EDNRA: variants seen among roughly 807,000 people sequenced by gnomAD.
EDNRA encodes the protein endothelin receptor type A.
Under a neutral mutation model 41.4 loss-of-function variants are expected in EDNRA, and 11 were observed. That is an observed-to-expected ratio of 0.27 (90% CI 0.17 to 0.44). The LOEUF is 0.44. Ranked by LOEUF, EDNRA falls within the 20% of genes least tolerant of loss-of-function variation. The pLI is 1.00. For synonymous variants in EDNRA, 172 were observed against 183.0 expected (o/e 0.94, Z 0.49); for missense variants, 294 against 531.0 (o/e 0.55, Z 4.39).
chr4:147,484,163 A>C (rs1728866453), intron 1 of EDNRA, among the ~76,000 whole-genome samples: 1 of 152,200 alleles, frequency 6.6e-6, no homozygotes, highest in Non-Finnish European at 1.5e-5. Context: ...AAATATTGAA[A>C]TAGGATGAGC....
At chr4:147,518,269 G>T (rs1209332948) in intron 2 of EDNRA, among the ~76,000 whole-genome samples, 2 of 152,146 alleles carry the variant, frequency 1.3e-5, no homozygotes, top group Non-Finnish European at 2.9e-5. Flanking sequence ...TTAATAACCA[G>T]CAGTCAGCAA....
At position 147,535,875 on chromosome 4, in the gene EDNRA, A is replaced by G; in HGVS notation, c.748-2A>G. Reference sequence around the variant, plus strand: ...TCTCTTTTTTTTTTTTTCACTTTGAAGTTCTACCAAGATGTAAAGGACTGG... The same window carrying G: ...TCTCTTTTTTTTTTTTTCACTTTGAGGTTCTACCAAGATGTAAAGGACTGG... On this transcript the variant is annotated splice_acceptor_variant, in intron 4 of 7. Transcript: ENST00000651419. LOFTEE classifies it high-confidence loss of function. 6.2e-7 allele frequency: 1 copy of G among 1,604,240 alleles called. No homozygotes were observed. Among genetic ancestry groups the G allele is most frequent in the Non-Finnish European group, 8.5e-7 (1 of 1,176,452 alleles).
In EDNRA at chr4:147,526,318, A is replaced by C. The variant is rs79437135; in HGVS notation, c.549-6188A>C. ...ATGTTGAAGGTCAGGAATTTGGGCA[A>C]TTCTTCTGCTCCTTGTCACGTCACC... On this transcript the variant is annotated intron_variant, in intron 3 of 7. Coordinates refer to ENST00000651419, the MANE Select transcript of EDNRA (RefSeq NM_001957.4). Among the ~76,000 whole-genome samples, 951 of 152,280 alleles carry C rather than the reference A, an allele frequency of 6.2e-3. 7 individuals are homozygous for C. The highest frequency in any genetic ancestry group is 0.022 in the African/African-American group (914 of 41,534).
chr4:147,497,633 G>A (rs948696319), intron 2 of EDNRA, among the ~76,000 whole-genome samples: 1 of 151,704 alleles, frequency 6.6e-6, no homozygotes, highest in Admixed American at 6.6e-5. Flanking sequence ...GTGCAGTGGC[G>A]CGATCTTGGC....
chr4:147,507,441 G>T (rs2126423985), intron 2 of EDNRA, among the ~76,000 whole-genome samples: 1 of 152,304 alleles, frequency 6.6e-6, no homozygotes, highest in African/African-American at 2.4e-5. Flanking sequence ...AATCTCAAAA[G>T]ATTGCATACT....
chr4:147,524,999 T>C (rs1730483558), intron 3 of EDNRA, among the ~76,000 whole-genome samples: 1 of 152,252 alleles, frequency 6.6e-6, no homozygotes, highest in Non-Finnish European at 1.5e-5. Context: ...CCTGCTTTCA[T>C]TTTATGAGCT....
At chr4:147,532,241 G>A (rs1286134658) in intron 3 of EDNRA, among the ~76,000 whole-genome samples, 1 of 149,626 alleles carries the variant, frequency 6.7e-6, no homozygotes, top group Non-Finnish European at 1.5e-5. Context: ...CAGGAGAATG[G>A]CGTGAACCTG....
intron 2 of EDNRA, among the ~76,000 whole-genome samples, chr4:147,505,163 A>C (rs904646462): frequency 1.3e-5 from 2 of 150,268 alleles, no homozygotes; most frequent in African/African-American, 4.9e-5. Context: ...GTCAAACCGC[A>C]GTGAGATATC....
At chr4:147,525,144 T>G (rs1730489394) in intron 3 of EDNRA, among the ~76,000 whole-genome samples, 1 of 152,238 alleles carries the variant, frequency 6.6e-6, no homozygotes, top group Non-Finnish European at 1.5e-5. Context: ...ATAGGATTTC[T>G]TTATTACTTC....
At chr4:147,520,109 A>G (rs949359146) in intron 3 of EDNRA, 131 bp downstream of exon 3, 2 of 1,242,588 alleles carry the variant, frequency 1.6e-6, no homozygotes, top group Non-Finnish European at 2.2e-6. Flanking sequence ...AGCATTAACC[A>G]TCTTGCCTTT....
intron 2 of EDNRA, among the ~76,000 whole-genome samples, chr4:147,508,256 A>C (rs755595701): frequency 4.6e-5 from 7 of 152,174 alleles, no homozygotes; most frequent in Non-Finnish European, 1.0e-4. Flanking sequence ...CTCATGCCTC[A>C]GCTTCCAGAG....
At chr4:147,536,389 GA>G (rs1334688988) in intron 5 of EDNRA, among the ~76,000 whole-genome samples, 2 of 152,142 alleles carry the variant, frequency 1.3e-5, no homozygotes, top group African/African-American at 4.8e-5. Flanking sequence ...TCTTGTTGTA[GA>G]AATAAAATAT....
chr4:147,519,788 G>C lies in EDNRA; in HGVS notation c.421-63G>C. 1 of 1,559,602 alleles carries C rather than the reference G, an allele frequency of 6.4e-7. No individual in the cohort carries two copies. Among genetic ancestry groups the C allele is most frequent in the Non-Finnish European group, 8.7e-7 (1 of 1,151,218 alleles). On this transcript the variant is annotated intron_variant, in intron 2 of 7. Coordinates refer to ENST00000651419, the MANE Select transcript of EDNRA (RefSeq NM_001957.4). This position sits in a 1 kb window ranked among gnomAD's most constrained non-coding sequence, Gnocchi z 4.1. ...GAAGTTGGGACGCATAACTAAAACT[G>C]TAAGTGCCCACATGCTCCGTGCCAG... is the stretch of plus-strand genomic sequence containing the variant.
chr4:147,536,038 C>T lies in EDNRA; in HGVS notation c.900+9C>T. The T allele has an allele frequency of 6.2e-7, 1 of 1,613,706 alleles. No homozygotes were observed. The highest frequency in any genetic ancestry group is 8.5e-7 in the Non-Finnish European group (1 of 1,179,818). On this transcript the variant is annotated intron_variant, in intron 5 of 7. Coordinates refer to ENST00000651419, the MANE Select transcript of EDNRA (RefSeq NM_001957.4). ...GTGAACATCTTAAGCAGGTAAATCC[C>T]ATAACATCATGAAAATCTGGCCAGG...
chr4:147,496,068 A>G (rs1202324551), intron 2 of EDNRA: 4 of 152,222 alleles, frequency 2.6e-5, no homozygotes. Flanking sequence ...CATTTTTTCA[A>G]TGTCCAAAAT....
At chr4:147,528,079 G>T (rs1730614387) in intron 3 of EDNRA, among the ~76,000 whole-genome samples, 1 of 152,184 alleles carries the variant, frequency 6.6e-6, no homozygotes, top group South Asian at 2.1e-4. Flanking sequence ...GCCAATTAAG[G>T]TAAGGTAAGG....
In EDNRA at chr4:147,485,643, C is replaced by T; in HGVS notation, c.-39C>T. Reference sequence around the variant, plus strand: ...AAAAAGTGAAGGTGTAAAAGCAGCACAAGTGCAATAAGAGATATTTCCTCA... The same window carrying T: ...AAAAAGTGAAGGTGTAAAAGCAGCATAAGTGCAATAAGAGATATTTCCTCA... On this transcript the variant is annotated 5_prime_UTR_variant, in exon 2 of 8. Coordinates refer to ENST00000651419, the MANE Select transcript of EDNRA (RefSeq NM_001957.4). The T allele has an allele frequency of 6.5e-7, 1 of 1,533,144 alleles. No individual in the cohort carries two copies. Among genetic ancestry groups the T allele is most frequent in the Non-Finnish European group, 8.8e-7 (1 of 1,141,122 alleles). The allele number at this position is 1,533,144 out of a possible 1,614,324, so 95.0% of individuals were successfully genotyped here.
At chr4:147,506,748 G>A in intron 2 of EDNRA, 2 of 294,932 alleles carry the variant, frequency 6.8e-6, no homozygotes, top group South Asian at 1.0e-4. Context: ...TCACCAAGGA[G>A]AAGAAATGAG....
At chr4:147,531,806 ACCATCC>A (rs1166172004) in intron 3 of EDNRA, 1 of 152,524 alleles carries the variant, frequency 6.6e-6, no homozygotes, top group Non-Finnish European at 1.5e-5. Context: ...GGAGATCGAG[ACCATCC>A]TGGCTAACAC....
Sources: allele counts gnomAD v4.1 joint callset (sites outside exome capture counted in the v4.1 genomes callset), GRCh38; gene constraint gnomAD v4.1.1; non-coding constraint Gnocchi (gnomAD v3.1); transcripts MANE v1.5; gene names NCBI Gene and HGNC (gene_info 2026-07-23, HGNC 2026-07-21).